Variants in CD163L1 observed in about 807,000 individuals in gnomAD.
CD163L1 encodes scavenger receptor cysteine-rich type 1 protein M160.
CD163L1 carries 124 observed loss-of-function variants against 165.4 expected under a neutral mutation model. That is an observed-to-expected ratio of 0.75 (90% confidence interval 0.65 to 0.87). The LOEUF is 0.87. Among genes scored for constraint, CD163L1 ranks in the 40% least tolerant of loss-of-function variants. The pLI is 0.00. For synonymous variants in CD163L1, 585 were observed against 662.2 expected, an observed-to-expected ratio of 0.88 and a Z score of 1.79; for missense variants, 1,525 against 1,799.9, an observed-to-expected ratio of 0.85 and a Z score of 2.76.
At chr12:7,439,496 G>C in intron 2 of CD163L1, 1 of 1,584,624 alleles carries the variant, frequency 6.3e-7, no homozygotes, top group Admixed American at 1.9e-5. Flanking sequence ...AGATCATCTG[G>C]GCTTTTCTCC....
chr12:7,343,412 T>C (rs952156809), downstream of CD163L1, among the ~76,000 whole-genome samples: 11 of 152,172 alleles, frequency 7.2e-5, no homozygotes, highest in Non-Finnish European at 4.4e-5. Context: ...GGGTAATTTA[T>C]AAAGAAAAGA....
the CD163L1 span, among the ~76,000 whole-genome samples, chr12:7,340,335 C>T: frequency 6.6e-6 from 1 of 152,042 alleles, no homozygotes; most frequent in Non-Finnish European, 1.5e-5. Context: ...AAGAATGGTA[C>T]CACATTTTTG....
At chr12:7,443,464 C>T (rs1948855126) in intron 1 of CD163L1, among the ~76,000 whole-genome samples, 1 of 152,190 alleles carries the variant, frequency 6.6e-6, no homozygotes, top group Admixed American at 6.5e-5. Context: ...CTGTGAAAGA[C>T]TTCTTAGCCA....
At chr12:7,337,849 T>C in the CD163L1 span, among the ~76,000 whole-genome samples, 1 of 152,318 alleles carries the variant, frequency 6.6e-6, no homozygotes, top group Middle Eastern at 3.4e-3. Context: ...ATCATTCTAC[T>C]ATAAAGTCAC....
In CD163L1 at chr12:7,369,248, CA is replaced by C. The variant is rs1947092766; in HGVS notation, c.4039+108del. On this transcript the variant is annotated intron_variant, in intron 15 of 19. Transcript: ENST00000313599. The surrounding 1 kb of genome is among the most constrained non-coding windows in gnomAD (Gnocchi z 4.9). ...TAGTTTAACATAGCCTTTCATTCTT[CA>C]ACAAGAAATCCTAGTATCTTCAGCT... The C allele has an allele frequency of 1.6e-6, 2 of 1,225,036 alleles. No individual in the cohort carries two copies. Among genetic ancestry groups the C allele is most frequent in the Non-Finnish European group, 2.3e-6 (2 of 870,672 alleles). The allele number at this position is 1,225,036 out of a possible 1,614,324, so 75.9% of individuals were successfully genotyped here.
chr12:7,423,157 A>T (rs1021088663), intron 4 of CD163L1, among the ~76,000 whole-genome samples: 1 of 152,104 alleles, frequency 6.6e-6, no homozygotes, highest in African/African-American at 2.4e-5. Flanking sequence ...TCAAATTAGA[A>T]CCCCAGAATT....
intron 7 of CD163L1, among the ~76,000 whole-genome samples, chr12:7,396,922 A>G (rs1377978011): frequency 6.6e-6 from 1 of 152,170 alleles, no homozygotes; most frequent in Non-Finnish European, 1.5e-5. Flanking sequence ...AACCCTGAAT[A>G]ACGCAGATTT....
At chr12:7,417,096 C>T (rs1165605025) in intron 4 of CD163L1, among the ~76,000 whole-genome samples, 1 of 152,084 alleles carries the variant, frequency 6.6e-6, no homozygotes, top group Non-Finnish European at 1.5e-5. Context: ...TTTCCTTGAG[C>T]AGTGGTTTGT....
downstream of CD163L1, among the ~76,000 whole-genome samples, chr12:7,352,883 T>C (rs1946716960): frequency 6.6e-6 from 1 of 151,944 alleles, no homozygotes; most frequent in African/African-American, 2.4e-5. Context: ...TTATCTAAAA[T>C]GTACAGCTCT....
rs754359065 is a variant in CD163L1 at position 7,374,289 on chromosome 12, G to T, written c.3409+153C>A. On this transcript the variant is annotated intron_variant, in intron 13 of 19. Transcript: ENST00000313599. This position sits in a 1 kb window ranked among gnomAD's most constrained non-coding sequence, Gnocchi z 5.4. ...AAATGTAATATGACAAGGGTATTAA[G>T]AAATCAGTATAAGAGAATAGGATTA... 1.3e-5 allele frequency among the ~76,000 whole-genome samples: 2 copies of T among 152,214 alleles called. No homozygotes were observed. Among genetic ancestry groups the T allele is most frequent in the African/African-American group, 4.8e-5 (2 of 41,432 alleles).
intron 10 of CD163L1, 49 bp downstream of exon 10, chr12:7,375,651 A>T (rs2136432013): frequency 6.2e-7 from 1 of 1,610,698 alleles, no homozygotes; most frequent in Admixed American, 1.7e-5. Flanking sequence ...TCCAGCCCCA[A>T]ACTCCCCATC....
chr12:7,345,870 C>T (rs1239947663), downstream of CD163L1, among the ~76,000 whole-genome samples: 1 of 152,114 alleles, frequency 6.6e-6, no homozygotes, highest in Non-Finnish European at 1.5e-5. Flanking sequence ...TGGCTTATCA[C>T]ATGGCAAGGG....
chr12:7,325,216 A>C, the CD163L1 span, among the ~76,000 whole-genome samples: 1 of 152,248 alleles, frequency 6.6e-6, no homozygotes, highest in African/African-American at 2.4e-5. Context: ...ACCAGAGAGA[A>C]GTTAGGGTAA....
intron 4 of CD163L1, among the ~76,000 whole-genome samples, chr12:7,421,086 C>CGT (rs1565809005): frequency 3.2e-5 from 3 of 94,136 alleles, no homozygotes; most frequent in Admixed American, 1.1e-4. Context: ...TATATATATA[C>CGT]GTATATATAT....
At chr12:7,382,130 C>G (rs1947423945) in intron 8 of CD163L1, among the ~76,000 whole-genome samples, 1 of 149,608 alleles carries the variant, frequency 6.7e-6, no homozygotes, top group Non-Finnish European at 1.5e-5. Context: ...CAATTATTAC[C>G]AATAAGAAAG....
chr12:7,365,263 A>G (rs1946989519), intron 18 of CD163L1, among the ~76,000 whole-genome samples: 1 of 152,126 alleles, frequency 6.6e-6, no homozygotes, highest in Non-Finnish European at 1.5e-5. Flanking sequence ...TAAAACACCA[A>G]ATAAAAACAG....
chr12:7,416,772 T>C (rs1479403259), intron 4 of CD163L1, among the ~76,000 whole-genome samples: 1 of 152,188 alleles, frequency 6.6e-6, no homozygotes, highest in Non-Finnish European at 1.5e-5. Flanking sequence ...GTTCCATTGG[T>C]CTATATATCT....
the CD163L1 span, among the ~76,000 whole-genome samples, chr12:7,337,203 A>G: frequency 6.6e-6 from 1 of 152,214 alleles, no homozygotes; most frequent in African/African-American, 2.4e-5. Flanking sequence ...TAAGACCTAA[A>G]ACCATAAAAA....
intron 4 of CD163L1, among the ~76,000 whole-genome samples, chr12:7,412,912 T>C (rs1348552571): frequency 2.0e-5 from 3 of 151,712 alleles, no homozygotes; most frequent in Admixed American, 1.3e-4. Flanking sequence ...CTGGCCAAGA[T>C]GGTGAAACCC....
Sources: gnomAD v4.1 joint callset for allele counts (sites outside exome capture counted in the v4.1 genomes callset) on GRCh38, gnomAD v4.1.1 for gene constraint, Gnocchi (gnomAD v3.1) non-coding constraint, MANE v1.5 for transcripts, NCBI Gene and HGNC (gene_info 2026-07-23, HGNC 2026-07-21) for gene names.